C14orf39: variants seen among roughly 807,000 people sequenced by gnomAD.
C14orf39 encodes protein SIX6OS1.
In C14orf39, 66 loss-of-function variants were observed where a neutral mutation model predicts 85.6. That is an observed-to-expected ratio of 0.77 (90% CI 0.63 to 0.95). The LOEUF (loss-of-function observed/expected upper bound fraction) is 0.95, where lower values mean the gene tolerates loss of function less well. C14orf39 is among the 40% of genes least tolerant of loss of function. The pLI is 0.00. For missense variants in C14orf39, 735 were observed against 663.9 expected, an observed-to-expected ratio of 1.11 and a Z score of -1.18; for synonymous variants, 242 against 214.0, an observed-to-expected ratio of 1.13 and a Z score of -1.14.
Position 60,436,794 on chromosome 14 carries a change from T to C in C14orf39, c.*51A>G. On this transcript the variant is annotated 3_prime_UTR_variant, in exon 18 of 18. Coordinates refer to ENST00000321731, the MANE Select transcript of C14orf39 (RefSeq NM_174978.3). ...TGTTTTAAGCAATAATGTAAATTTA[T>C]GCCCTCATGAACACAGAACAGTAAA... The C allele has an allele frequency of 1.6e-6, 2 of 1,216,258 alleles. No individual in the cohort carries two copies. The allele number at this position is 1,216,258 out of a possible 1,614,324, so 75.3% of individuals were successfully genotyped here. A position where few individuals can be genotyped will look rare whatever the true frequency, so the allele number is the denominator to read the frequency against.
intron 16 of C14orf39, among the ~76,000 whole-genome samples, chr14:60,443,903 C>G (rs189021180): frequency 2.0e-5 from 3 of 152,202 alleles, no homozygotes; most frequent in Admixed American, 1.3e-4. Flanking sequence ...CACAGGCAAA[C>G]AGGGTCTGGA....
rs151212013 is a variant in C14orf39, at chr14:60,455,064, A to G, written c.1440T>C (p.Ser480=). The change falls in exon 16 of 18, where the codon TCT becomes TCC. Residue 480 remains serine (S), a synonymous_variant. Transcript: ENST00000321731. The part of the protein sequence containing the change: ...PGLSFLMSYT[S]RSPGLNLFDS... ...CAAATAAATTCAATCCAGGTGATCT[A>G]GAAGTATAACTCATAAGAAAAGAAA... 1,441 of 1,581,116 alleles carry G rather than the reference A, an allele frequency of 9.1e-4. No individual in the cohort carries two copies. The highest frequency in any genetic ancestry group is 1.1e-3 in the Non-Finnish European group (1,277 of 1,167,232).
At chr14:60,492,566 G>A (rs530015109) in intron 2 of C14orf39, among the ~76,000 whole-genome samples, 1 of 151,120 alleles carries the variant, frequency 6.6e-6, no homozygotes, top group South Asian at 2.1e-4. Context: ...TTGAGTTCGA[G>A]ACCAGCCTGG....
At chr14:60,463,211 T>C (rs1891609308) in intron 11 of C14orf39, among the ~76,000 whole-genome samples, 1 of 148,364 alleles carries the variant, frequency 6.7e-6, no homozygotes, top group South Asian at 2.2e-4. Context: ...CATCTTGTTA[T>C]GTTTAGTGAT....
At chr14:60,487,401 C>T (rs1483745374), upstream of C14orf39, among the ~76,000 whole-genome samples, 1 of 152,082 alleles carries the variant, frequency 6.6e-6, no homozygotes, top group Non-Finnish European at 1.5e-5. Context: ...GCCTGACTTA[C>T]TTCAATTAGC....
At chr14:60,447,330 C>G (rs997599774) in intron 16 of C14orf39, among the ~76,000 whole-genome samples, 1 of 152,176 alleles carries the variant, frequency 6.6e-6, no homozygotes. Flanking sequence ...TCTCCTTAAG[C>G]TGATAAGCAA....
At chr14:60,489,250 T>C (rs1409399887), upstream of C14orf39, among the ~76,000 whole-genome samples, 2 of 152,228 alleles carry the variant, frequency 1.3e-5, no homozygotes, top group Non-Finnish European at 2.9e-5. Context: ...TTTCTTTGTA[T>C]GCATCCAGTC....
intron 1 of C14orf39, chr14:60,511,328 T>C (rs980237949): frequency 6.0e-6 from 9 of 1,488,612 alleles, no homozygotes; most frequent in East Asian, 2.3e-5. Flanking sequence ...GGGAAGAAGA[T>C]GAGAGACCTG....
At chr14:60,495,909 A>G in intron 2 of C14orf39, 1 of 418,952 alleles carries the variant, frequency 2.4e-6, no homozygotes, top group South Asian at 1.8e-5. Context: ...AAGAGCACAG[A>G]GTCCAGGGTG....
chr14:60,442,193 T>C, intron 16 of C14orf39, 62 bp from the exon 17 acceptor site: 1 of 1,043,332 alleles, frequency 9.6e-7, no homozygotes, highest in Non-Finnish European at 1.4e-6. Context: ...ATATAGTACA[T>C]ATATTTGAAT....
chr14:60,452,912 G>A (rs1891103979), intron 16 of C14orf39, among the ~76,000 whole-genome samples: 1 of 151,986 alleles, frequency 6.6e-6, no homozygotes, highest in African/African-American at 2.4e-5. Context: ...ATTCTGCTGT[G>A]GTCAGAGAAC....
At chr14:60,456,494 G>A (rs1156676575) in intron 15 of C14orf39, among the ~76,000 whole-genome samples, 1 of 151,368 alleles carries the variant, frequency 6.6e-6, no homozygotes, top group Non-Finnish European at 1.5e-5. Flanking sequence ...GGGCTCAAGG[G>A]ATCCTCCTCC....
chr14:60,514,789 G>C (rs116949833), intron 1 of C14orf39, among the ~76,000 whole-genome samples: 1,893 of 152,364 alleles, frequency 0.012, 17 homozygotes, highest in South Asian at 0.027. Context: ...GGCGGGAGGA[G>C]AGGAGAAGCA....
At chr14:60,511,600 G>T in intron 1 of C14orf39, 1 of 465,084 alleles carries the variant, frequency 2.2e-6, no homozygotes, top group South Asian at 2.2e-5. Context: ...TCGAAAGGAC[G>T]CTGTTACATA....
At chr14:60,507,885 C>A (rs754496181) in intron 1 of C14orf39, among the ~76,000 whole-genome samples, 1 of 152,142 alleles carries the variant, frequency 6.6e-6, no homozygotes, top group Non-Finnish European at 1.5e-5. Flanking sequence ...AGCCCCCTAC[C>A]AGTTATTTTC....
At chr14:60,506,810 G>C (rs985745715) in intron 1 of C14orf39, among the ~76,000 whole-genome samples, 2 of 152,174 alleles carry the variant, frequency 1.3e-5, no homozygotes, top group Non-Finnish European at 2.9e-5. Flanking sequence ...GCGAGCCTCA[G>C]ACACGCAGAA....
At chr14:60,476,241 G>A (rs914141430) in intron 5 of C14orf39, among the ~76,000 whole-genome samples, 1 of 152,136 alleles carries the variant, frequency 6.6e-6, no homozygotes, top group Non-Finnish European at 1.5e-5. Context: ...CCAGTTCCAG[G>A]TGAGATGACT....
At chr14:60,452,190 A>C (rs1353915377) in intron 16 of C14orf39, among the ~76,000 whole-genome samples, 2 of 151,764 alleles carry the variant, frequency 1.3e-5, no homozygotes, top group African/African-American at 4.8e-5. Context: ...AAAAGATAGA[A>C]TTTCAAGCCT....
rs370601047 is a variant in C14orf39 at position 60,484,933 on chromosome 14, G to A, written c.54C>T (p.Phe18=). 62 of 1,574,628 alleles carry A rather than the reference G, an allele frequency of 3.9e-5. No homozygotes were observed. In the African/African-American group the frequency reaches 8.1e-4, roughly 21 times the overall value. The change falls in exon 3 of 18, where the codon TTC becomes TTT. Residue 18 remains phenylalanine, a synonymous_variant. Transcript: ENST00000321731. The surrounding 1 kb of genome is among the most constrained non-coding windows in gnomAD (Gnocchi z 4.2). ...SLDRLLLEFV[F]QYEQDISTKE... ...TAGTACTTATGTCTTGCTCATACTG[G>A]AAGACTAAAATAAATAATTATCTTG...
Sources: allele counts gnomAD v4.1 joint callset (sites outside exome capture counted in the v4.1 genomes callset), GRCh38; gene constraint gnomAD v4.1.1; non-coding constraint Gnocchi (gnomAD v3.1); transcripts MANE v1.5; gene names NCBI Gene and HGNC (gene_info 2026-07-23, HGNC 2026-07-21).